Variants in DAAM1 observed in about 807,000 individuals in gnomAD.
DAAM1 encodes dishevelled associated activator of morphogenesis 1, also known as disheveled-associated activator of morphogenesis 1.
Under a neutral mutation model 130.0 loss-of-function variants are expected in DAAM1, and 52 were observed. That is an observed-to-expected ratio of 0.40 (90% confidence interval 0.32 to 0.50). The LOEUF (loss-of-function observed/expected upper bound fraction) is 0.50. Ranked by LOEUF, DAAM1 falls within the 20% of genes least tolerant of loss-of-function variation. The pLI, the probability that DAAM1 is intolerant of heterozygous loss-of-function variation, is 0.61. For synonymous variants in DAAM1, 452 were observed against 444.5 expected (o/e 1.02, Z -0.21); for missense variants, 1,134 against 1,303.8 (o/e 0.87, Z 2.01).
chr14:59,215,648 C>T (rs754633632), intron 1 of DAAM1, among the ~76,000 whole-genome samples: 2 of 152,160 alleles, frequency 1.3e-5, no homozygotes, highest in Admixed American at 6.5e-5. Flanking sequence ...CAGGCAAGTC[C>T]GGTGGCTCTG....
At chr14:59,356,031 A>G (rs1886467108) in intron 20 of DAAM1, among the ~76,000 whole-genome samples, 1 of 152,236 alleles carries the variant, frequency 6.6e-6, no homozygotes, top group East Asian at 1.9e-4. Flanking sequence ...TAAAGACACC[A>G]AGATGTGAAA....
At chr14:59,340,999 T>C in intron 16 of DAAM1, among the ~76,000 whole-genome samples, 1 of 152,208 alleles carries the variant, frequency 6.6e-6, no homozygotes, top group East Asian at 1.9e-4. Flanking sequence ...ATAAGGTGAC[T>C]TCTTTTTCAG....
intron 2 of DAAM1, among the ~76,000 whole-genome samples, chr14:59,285,488 A>T (rs185670479): frequency 3.3e-5 from 5 of 152,306 alleles, no homozygotes; most frequent in Admixed American, 6.5e-5. Context: ...GGCATGGAGT[A>T]GCAATTTGGA....
At chr14:59,262,484 C>T (rs1252857872) in intron 1 of DAAM1, among the ~76,000 whole-genome samples, 3 of 152,142 alleles carry the variant, frequency 2.0e-5, no homozygotes, top group African/African-American at 7.2e-5. Flanking sequence ...GAATAGTTCT[C>T]CAACCCTCTG....
intron 3 of DAAM1, among the ~76,000 whole-genome samples, chr14:59,299,456 T>C (rs1029324688): frequency 3.3e-5 from 5 of 152,220 alleles, no homozygotes; most frequent in Non-Finnish European, 7.3e-5. Context: ...TTAGCTGTTG[T>C]CATAGTCAAT....
chr14:59,292,517 C>T (rs1158131232), intron 3 of DAAM1, among the ~76,000 whole-genome samples: 2 of 152,312 alleles, frequency 1.3e-5, no homozygotes, highest in East Asian at 3.9e-4. Flanking sequence ...CTTTATGCCT[C>T]TGATGAAGAG....
intron 15 of DAAM1, among the ~76,000 whole-genome samples, chr14:59,334,704 CAT>C (rs1262667815): frequency 6.6e-6 from 1 of 152,148 alleles, no homozygotes; most frequent in Admixed American, 6.5e-5. Flanking sequence ...TATGCACACA[CAT>C]ATATGCTTAC....
chr14:59,367,782 G>C (rs1886977701), intron 24 of DAAM1, among the ~76,000 whole-genome samples, 183 bp downstream of exon 24: 1 of 151,568 alleles, frequency 6.6e-6, no homozygotes, highest in African/African-American at 2.4e-5. Context: ...TATATTCAAA[G>C]CCTTAAAAAA....
At chr14:59,271,878 G>A (rs1172804516) in intron 2 of DAAM1, among the ~76,000 whole-genome samples, 1 of 152,000 alleles carries the variant, frequency 6.6e-6, no homozygotes, top group East Asian at 1.9e-4. Context: ...ACTAACAATA[G>A]AAAGTAACCT....
At chr14:59,205,251 T>G (rs1888224808) in intron 1 of DAAM1, among the ~76,000 whole-genome samples, 2 of 152,228 alleles carry the variant, frequency 1.3e-5, no homozygotes, top group Non-Finnish European at 1.5e-5. Context: ...AACTATGTGA[T>G]AAACAGTGTG....
At chr14:59,269,336 T>C (rs1024511286) in intron 2 of DAAM1, among the ~76,000 whole-genome samples, 1 of 152,210 alleles carries the variant, frequency 6.6e-6, no homozygotes, top group Non-Finnish European at 1.5e-5. Context: ...CTTGGGAACA[T>C]GCACAGCTCA....
intron 16 of DAAM1, among the ~76,000 whole-genome samples, chr14:59,342,258 C>T (rs1423700723): frequency 1.3e-5 from 2 of 152,100 alleles, no homozygotes; most frequent in African/African-American, 2.4e-5. Flanking sequence ...TTTTGAGTCC[C>T]GTTTGACCTG....
rs1883217254 is a variant in DAAM1 at position 59,281,462 on chromosome 14, T to C, written c.184-9755T>C. Reference sequence around the variant, plus strand: ...TTGTATCAGACCTTACTCTTGTTAATTGGACTTCGCATGCAGTGAGCAATT... The same window carrying C: ...TTGTATCAGACCTTACTCTTGTTAACTGGACTTCGCATGCAGTGAGCAATT... On this transcript the variant is annotated intron_variant, in intron 2 of 24. Transcript: ENST00000360909. 6.6e-5 allele frequency among the ~76,000 whole-genome samples: 10 copies of C among 152,158 alleles called. No individual in the cohort carries two copies. In the South Asian group the frequency reaches 2.1e-3, roughly 32 times the overall value.
rs1322299996 is a variant in DAAM1 at position 59,326,746 on chromosome 14, T to C, written c.1313+98T>C. 5 of 1,552,182 alleles carry C rather than the reference T, an allele frequency of 3.2e-6. No homozygotes were observed. In the African/African-American group the frequency reaches 5.5e-5, roughly 17 times the overall value. ...AGTAACAGCTGGGAGAGCTGAAATG[T>C]TCTAGGGGTCAAATATGAGTTACTG... On this transcript the variant is annotated intron_variant, in intron 11 of 24. Transcript: ENST00000360909.
chr14:59,273,154 C>T (rs1486075669), intron 2 of DAAM1, among the ~76,000 whole-genome samples: 1 of 152,156 alleles, frequency 6.6e-6, no homozygotes, highest in African/African-American at 2.4e-5. Context: ...CCTTCTAATC[C>T]TCTGATTCAT....
intron 3 of DAAM1, among the ~76,000 whole-genome samples, chr14:59,292,874 G>A (rs748905551): frequency 6.6e-6 from 1 of 152,098 alleles, no homozygotes; most frequent in Non-Finnish European, 1.5e-5. Flanking sequence ...ATTTCTCTTT[G>A]TATACATTGA....
At chr14:59,223,516 C>T (rs1406326988) in intron 1 of DAAM1, among the ~76,000 whole-genome samples, 10 of 152,118 alleles carry the variant, frequency 6.6e-5, no homozygotes, top group Admixed American at 2.6e-4. Context: ...TCTATGTCTG[C>T]CACTGATAGA....
chr14:59,359,222 A>G (rs1886609400), intron 20 of DAAM1, 175 bp from the exon 21 acceptor site: 1 of 514,434 alleles, frequency 1.9e-6, no homozygotes, highest in East Asian at 3.0e-5. Flanking sequence ...TCTCTTGAGA[A>G]TCCCTGCCTT....
chr14:59,220,052 G>T (rs529794454), intron 1 of DAAM1, among the ~76,000 whole-genome samples: 4 of 152,220 alleles, frequency 2.6e-5, no homozygotes, highest in African/African-American at 7.2e-5. Context: ...TCCATTGCCT[G>T]TCACTGAACT....
Sources: allele counts gnomAD v4.1 joint callset (sites outside exome capture counted in the v4.1 genomes callset), GRCh38; gene constraint gnomAD v4.1.1; transcripts MANE v1.5; gene names NCBI Gene and HGNC (gene_info 2026-07-23, HGNC 2026-07-21).